GOLM2: variants seen among roughly 807,000 people sequenced by gnomAD.
The protein encoded by GOLM2 is protein GOLM2.
A neutral mutation model predicts 55.9 loss-of-function variants in GOLM2; 26 were observed. The ratio of observed to expected loss-of-function variants is 0.47; its 90% CI spans 0.34 to 0.65. The LOEUF (loss-of-function observed/expected upper bound fraction) is 0.65. Among genes scored for constraint, GOLM2 ranks in the 30% least tolerant of loss-of-function variants. GOLM2 has a pLI of 0.01. For missense variants in GOLM2, 486 were observed against 531.8 expected (o/e 0.91, Z 0.85); for synonymous variants, 165 against 194.6 (o/e 0.85, Z 1.27).
At chr15:44,306,224 C>T (rs1353343884) in intron 1 of GOLM2, among the ~76,000 whole-genome samples, 1 of 152,086 alleles carries the variant, frequency 6.6e-6, no homozygotes. Flanking sequence ...GTGATCTTAG[C>T]TAGATTTTCT....
intron 6 of GOLM2, chr15:44,348,515 G>A (rs932034662): frequency 9.2e-5 from 14 of 152,146 alleles, no homozygotes; most frequent in Non-Finnish European, 1.8e-4. Flanking sequence ...AAGAATACCA[G>A]GTAGATTTCT....
At chr15:44,334,292 T>C (rs1029004696) in intron 4 of GOLM2, among the ~76,000 whole-genome samples, 1 of 152,240 alleles carries the variant, frequency 6.6e-6, no homozygotes, top group Non-Finnish European at 1.5e-5. Context: ...TCCTGTACTT[T>C]AACTACTATG....
At chr15:44,363,246 G>T (rs1051341594) in intron 6 of GOLM2, among the ~76,000 whole-genome samples, 1 of 152,256 alleles carries the variant, frequency 6.6e-6, no homozygotes, top group South Asian at 2.1e-4. Context: ...TACCATCAGA[G>T]TGAACAGGCA....
chr15:44,288,877 GC>G lies in GOLM2; in HGVS notation c.-148del, dbSNP rs1567016679. ...GGAGGGACCTGCGGCTTGCGGCCCC[GC>G]CCCCTTCTCCGGCTCGCAGCCGACC... On this transcript the variant is annotated 5_prime_UTR_variant, in exon 1 of 10. Coordinates refer to ENST00000299957, the MANE Select transcript of GOLM2 (RefSeq NM_138423.4). 4.5e-6 allele frequency: 3 copies of G among 662,504 alleles called. No individual in the cohort carries two copies. Among genetic ancestry groups the G allele is most frequent in the Non-Finnish European group, 7.5e-6 (3 of 397,920 alleles). The allele number at this position is 662,504 out of a possible 1,614,324, so 41.0% of individuals were successfully genotyped here. A position where few individuals can be genotyped will look rare whatever the true frequency, so the allele number is the denominator to read the frequency against.
At chr15:44,323,611 A>G (rs959601830) in intron 2 of GOLM2, among the ~76,000 whole-genome samples, 4 of 151,036 alleles carry the variant, frequency 2.6e-5, no homozygotes, top group East Asian at 1.9e-4. Context: ...ACTTCATGCC[A>G]TAGCTGTTAG....
rs547219242 is a variant in GOLM2, at chr15:44,288,940, C to G, written c.-90C>G. The G allele has an allele frequency of 4.5e-4, 572 of 1,260,580 alleles. 5 individuals carry two copies. In the South Asian group the frequency reaches 7.6e-3, roughly 17 times the overall value. 78.1% of individuals were successfully genotyped at this position (1,260,580 alleles called of 1,614,324 possible). A position where few individuals can be genotyped will look rare whatever the true frequency, so the allele number is the denominator to read the frequency against. On this transcript the variant is annotated 5_prime_UTR_variant, in exon 1 of 10. Coordinates refer to ENST00000299957, the MANE Select transcript of GOLM2 (RefSeq NM_138423.4). ...CTCCTCCCTCGGCCGGCCCTGGGGC[C>G]GTGTCCGCCGGGCAACTCCAGCCGA...
intron 6 of GOLM2, among the ~76,000 whole-genome samples, chr15:44,363,145 T>G (rs2079254394): frequency 6.6e-6 from 1 of 152,122 alleles, no homozygotes; most frequent in South Asian, 2.1e-4. Context: ...AAGGACTTCA[T>G]GTCTAAAACA....
At chr15:44,290,620 G>A (rs938144668) in intron 1 of GOLM2, among the ~76,000 whole-genome samples, 1 of 152,110 alleles carries the variant, frequency 6.6e-6, no homozygotes, top group East Asian at 1.9e-4. Flanking sequence ...AAAAACTCTC[G>A]GGCAGAGTAG....
Position 44,411,013 on chromosome 15 carries a change from C to CTTTTTTTTT in GOLM2, c.1241-2305_1241-2297dup, listed in dbSNP as rs201998296. Among the ~76,000 whole-genome samples the CTTTTTTTTT allele has an allele frequency of 8.6e-5, 7 of 81,338 alleles. 1 individual carries two copies. The highest frequency in any genetic ancestry group is 3.6e-4 in the East Asian group (1 of 2,752). The allele number at this position is 81,338 out of a possible 152,430, so 53.4% of individuals were successfully genotyped here. A position where few individuals can be genotyped will look rare whatever the true frequency, so the allele number is the denominator to read the frequency against. ...TGAAAAAGAAAGTTGGTTTGTTTGA[C>CTTTTTTTTT]TTTTTTTTTTTTTTTTTTTTTTTTT... On this transcript the variant is annotated intron_variant, in intron 9 of 9. Transcript: ENST00000299957.
chr15:44,401,882 T>G (rs1224043494), intron 8 of GOLM2, among the ~76,000 whole-genome samples: 1 of 150,084 alleles, frequency 6.7e-6, no homozygotes, highest in Non-Finnish European at 1.5e-5. Flanking sequence ...CAGGCTGGAG[T>G]GCAATGGTGT....
intron 6 of GOLM2, among the ~76,000 whole-genome samples, chr15:44,376,104 A>G (rs1009887835): frequency 1.2e-4 from 18 of 152,160 alleles, no homozygotes; most frequent in Non-Finnish European, 1.9e-4. Context: ...GGCTTGGCGC[A>G]TGCCTATAAT....
intron 6 of GOLM2, among the ~76,000 whole-genome samples, chr15:44,350,088 A>C (rs529171758): frequency 6.6e-6 from 1 of 152,300 alleles, no homozygotes; most frequent in Non-Finnish European, 1.5e-5. Context: ...AAAGAACTAG[A>C]AAAGCAAGAG....
At chr15:44,323,988 T>C (rs1182304109) in intron 2 of GOLM2, among the ~76,000 whole-genome samples, 1 of 152,210 alleles carries the variant, frequency 6.6e-6, no homozygotes, top group Non-Finnish European at 1.5e-5. Flanking sequence ...TAGAAATGCT[T>C]TCTGGGTCAT....
At chr15:44,339,023 A>G (rs1192300170) in intron 6 of GOLM2, among the ~76,000 whole-genome samples, 1 of 152,192 alleles carries the variant, frequency 6.6e-6, no homozygotes, top group African/African-American at 2.4e-5. Context: ...GGGTAGAAAA[A>G]TAAGAAATTA....
intron 8 of GOLM2, among the ~76,000 whole-genome samples, chr15:44,392,486 G>A (rs1436143397): frequency 2.0e-5 from 3 of 151,898 alleles, no homozygotes; most frequent in Non-Finnish European, 2.9e-5. Flanking sequence ...AGCTGGGTGC[G>A]GTGGTGCGCA....
At chr15:44,376,329 A>G (rs1041684590) in intron 6 of GOLM2, among the ~76,000 whole-genome samples, 1 of 152,066 alleles carries the variant, frequency 6.6e-6, no homozygotes, top group Non-Finnish European at 1.5e-5. Context: ...GCTGGAGTGC[A>G]GTGGTGGCTC....
chr15:44,344,522 T>G (rs1689194816), intron 6 of GOLM2, among the ~76,000 whole-genome samples: 1 of 151,934 alleles, frequency 6.6e-6, no homozygotes, highest in African/African-American at 2.4e-5. Flanking sequence ...CTGATTTAGA[T>G]AACTGTAATG....
intron 8 of GOLM2, chr15:44,390,569 T>A (rs1334756532): frequency 2.0e-5 from 3 of 152,586 alleles, no homozygotes; most frequent in Non-Finnish European, 4.4e-5. Context: ...TATAGAATTT[T>A]TTTTTTTTTT....
intron 6 of GOLM2, among the ~76,000 whole-genome samples, chr15:44,360,443 A>G (rs984784543): frequency 1.3e-5 from 2 of 152,168 alleles, no homozygotes; most frequent in African/African-American, 4.8e-5. Context: ...ACAAAGATCA[A>G]AAGAGACAAA....
Sources: allele counts gnomAD v4.1 joint callset (sites outside exome capture counted in the v4.1 genomes callset), GRCh38; gene constraint gnomAD v4.1.1; transcripts MANE v1.5; gene names NCBI Gene and HGNC (gene_info 2026-07-23, HGNC 2026-07-21).